The following ZNF570 variants were observed in gnomAD, a reference collection of about 807,000 sequenced individuals.
The protein encoded by ZNF570 is zinc finger protein 570.
A neutral mutation model predicts 14.2 loss-of-function variants in ZNF570; 8 were observed. That is an observed-to-expected ratio of 0.56 (90% CI 0.33 to 1.02). The LOEUF (loss-of-function observed/expected upper bound fraction) is 1.02. Among genes scored for constraint, ZNF570 ranks in the 50% least tolerant of loss-of-function variants. The pLI, the probability that ZNF570 is intolerant of heterozygous loss-of-function variation, is 0.03. For missense variants in ZNF570, 559 were observed against 624.9 expected (o/e 0.89, Z 1.12); for synonymous variants, 202 against 207.6 (o/e 0.97, Z 0.23).
chr19:37,484,691 C>T lies in ZNF570; in HGVS notation c.1069C>T (p.Pro357Ser), dbSNP rs1024174538. 10 of 1,613,918 alleles carry T rather than the reference C, an allele frequency of 6.2e-6. No individual in the cohort carries two copies. The highest frequency in any genetic ancestry group is 7.6e-6 in the Non-Finnish European group (9 of 1,180,020). Residue 357 changes from proline to serine, a missense_variant, in exon 5 of 5, where the codon CCC becomes TCC. Physicochemically the swap from Pro to Ser is moderately conservative, Grantham distance 74. Transcript: ENST00000330173. ...CCAGAGAGTTCATACAGGAGAGAAA[C>T]CCTATGAATGTAATGTCTGTGGGAA... ...QHQRVHTGEK[P>S]YECNVCGKAF...
Position 37,475,920 on chromosome 19 carries a change from C to G in ZNF570, c.73C>G (p.Gln25Glu). ...CAGAGATGTGGCTGTAGACTTCTCC[C>G]AAGAGGAATGGGATTGTCTGGATTC... ...TFRDVAVDFS[Q>E]EEWDCLDSSQ... The change falls in exon 3 of 5, where the codon CAA becomes GAA. Residue 25 changes from glutamine to glutamate, a missense_variant. Coordinates refer to ENST00000330173, the MANE Select transcript of ZNF570 (RefSeq NM_144694.5). 1 of 1,613,776 alleles carries G rather than the reference C, an allele frequency of 6.2e-7. No individual in the cohort carries two copies. The highest frequency in any genetic ancestry group is 1.1e-5 in the South Asian group (1 of 91,006).
upstream of ZNF570, chr19:37,469,049 C>G: frequency 1.0e-6 from 1 of 994,058 alleles, no homozygotes; most frequent in South Asian, 4.5e-5. Context: ...GCGCAGAGCG[C>G]TTGTGCCTGC....
rs1364128692 is a variant in ZNF570, at chr19:37,486,917, AC to A, written c.*1687del. The A allele has an allele frequency of 6.6e-6, 1 of 152,154 alleles. No individual in the cohort carries two copies. Among genetic ancestry groups the A allele is most frequent in the African/African-American group, 2.4e-5 (1 of 41,426 alleles). The allele number at this position is 152,154 out of a possible 1,614,324, so 9.4% of individuals were successfully genotyped here. Reference sequence around the variant, plus strand: ...TGTGATCCCCTTAAATAGGCACCACACCCTGGCCAGGTGCAGTAGCTCATTC... The same window carrying A: ...TGTGATCCCCTTAAATAGGCACCACACCTGGCCAGGTGCAGTAGCTCATTC... On this transcript the variant is annotated 3_prime_UTR_variant, in exon 5 of 5. Coordinates refer to ENST00000330173, the MANE Select transcript of ZNF570 (RefSeq NM_144694.5).
chr19:37,482,657 C>T (rs1171006226), intron 4 of ZNF570, among the ~76,000 whole-genome samples: 1 of 152,198 alleles, frequency 6.6e-6, no homozygotes, highest in Non-Finnish European at 1.5e-5. Context: ...TCTGGATCCC[C>T]ATCCAAATCT....
chr19:37,475,847 A>C (rs1159684124), intron 2 of ZNF570, 34 bp from the exon 3 acceptor site: 3 of 1,589,948 alleles, frequency 1.9e-6, no homozygotes, highest in Admixed American at 1.8e-5. Flanking sequence ...TGAATATGGT[A>C]AGAGATAAGG....
chr19:37,473,287 C>G (rs1342562193), intron 2 of ZNF570, among the ~76,000 whole-genome samples: 4 of 152,190 alleles, frequency 2.6e-5, no homozygotes, highest in Non-Finnish European at 1.5e-5. Flanking sequence ...TTTTCTCTAG[C>G]AGAGTTCAGC....
chr19:37,469,245 G>A, upstream of ZNF570: 1 of 1,381,672 alleles, frequency 7.2e-7, no homozygotes. Flanking sequence ...GCTGCTGCCA[G>A]ACACTGCGAC....
intron 4 of ZNF570, among the ~76,000 whole-genome samples, chr19:37,479,327 C>G (rs8104809): frequency 0.031 from 4,749 of 151,944 alleles, 221 homozygotes; most frequent in African/African-American, 0.1. Flanking sequence ...TTGTTTGGTA[C>G]TTGTTTAATT....
Position 37,484,403 on chromosome 19 carries a change from C to G in ZNF570, c.781C>G (p.Leu261Val), listed in dbSNP as rs2042124304. The change falls in exon 5 of 5, where the codon CTT becomes GTT. Residue 261 changes from leucine to valine, a missense_variant. Coordinates refer to ENST00000330173, the MANE Select transcript of ZNF570 (RefSeq NM_144694.5). ...CGKAFSQRSNLVQHQRIHTGE... is the reference protein window; with the variant it reads ...CGKAFSQRSNVVQHQRIHTGE... ...AAAAGCCTTCAGCCAGAGATCAAAT[C>G]TTGTTCAACATCAGAGGATTCATAC... 1 of 1,613,952 alleles carries G rather than the reference C, an allele frequency of 6.2e-7. No individual in the cohort carries two copies. The highest frequency in any genetic ancestry group is 8.5e-7 in the Non-Finnish European group (1 of 1,180,032).
Position 37,485,464 on chromosome 19 carries a change from G to A in ZNF570, c.*231G>A. ...GCTGTGTTGCCCAGGCTGGAGTACA[G>A]TGGGACGATCTCAGCTCACTGCAAC... is the stretch of plus-strand genomic sequence containing the variant. On this transcript the variant is annotated 3_prime_UTR_variant, in exon 5 of 5. Transcript: ENST00000330173. The A allele has an allele frequency of 2.4e-6, 1 of 415,662 alleles. No individual in the cohort carries two copies. The highest frequency in any genetic ancestry group is 5.3e-5 in the South Asian group (1 of 18,826). The allele number at this position is 415,662 out of a possible 1,614,324, so 25.7% of individuals were successfully genotyped here. A position where few individuals can be genotyped will look rare whatever the true frequency, so the allele number is the denominator to read the frequency against.
chr19:37,483,905 G>A lies in ZNF570; in HGVS notation c.283G>A (p.Glu95Lys), dbSNP rs756858149. 1.9e-6 allele frequency: 3 copies of A among 1,611,524 alleles called. No homozygotes were observed. Among genetic ancestry groups the A allele is most frequent in the Non-Finnish European group, 2.5e-6 (3 of 1,179,100 alleles). The change falls in exon 5 of 5, where the codon GAA (glutamate) becomes AAA (lysine). Residue 95 changes from glutamate (E) to lysine (K), a missense_variant. Glu to Lys is a moderately conservative substitution (Grantham distance 56, BLOSUM62 1). Transcript: ENST00000330173. The stretch of plus-strand genomic sequence containing the variant: ...CTGGGAGCCTATATGTGAGACTGAA[G>A]AATTAACCCCAAAGCAGGATTTTTA... ...SGWEPICETE[E>K]LTPKQDFYEE...
At position 37,483,904 on chromosome 19, in the gene ZNF570, A is replaced by G. The variant is rs751287902; in HGVS notation, c.282A>G (p.Glu94=). 1 of 1,611,194 alleles carries G rather than the reference A, an allele frequency of 6.2e-7. No homozygotes were observed. The highest frequency in any genetic ancestry group is 1.1e-5 in the South Asian group (1 of 90,722). Reference sequence around the variant, plus strand: ...GCTGGGAGCCTATATGTGAGACTGAAGAATTAACCCCAAAGCAGGATTTTT... The same window carrying G: ...GCTGGGAGCCTATATGTGAGACTGAGGAATTAACCCCAAAGCAGGATTTTT... The part of the protein sequence containing the change: ...CSGWEPICET[E]ELTPKQDFYE... Residue 94 remains glutamate (E), a synonymous_variant, in exon 5 of 5, where the codon GAA becomes GAG. Transcript: ENST00000330173.
chr19:37,476,803 G>A (rs186327889), intron 4 of ZNF570, among the ~76,000 whole-genome samples: 186 of 147,624 alleles, frequency 1.3e-3, no homozygotes, highest in Non-Finnish European at 1.9e-3. Flanking sequence ...TCCGCCTCCC[G>A]GGTTCAAGCA....
In ZNF570 at chr19:37,486,108, T is replaced by C. The variant is rs2042152742; in HGVS notation, c.*875T>C. On this transcript the variant is annotated 3_prime_UTR_variant, in exon 5 of 5. Coordinates refer to ENST00000330173, the MANE Select transcript of ZNF570 (RefSeq NM_144694.5). Reference sequence around the variant, plus strand: ...TATCTCCAGTTAAAACTTTTTTTTTTTTTTTGCTTGTTATTGTTCTTAGAC... The same window carrying C: ...TATCTCCAGTTAAAACTTTTTTTTTCTTTTTGCTTGTTATTGTTCTTAGAC... 1 of 152,004 alleles carries C rather than the reference T, an allele frequency of 6.6e-6. No individual in the cohort carries two copies. The highest frequency in any genetic ancestry group is 1.5e-5 in the Non-Finnish European group (1 of 67,996). The allele number at this position is 152,004 out of a possible 1,614,324, so 9.4% of individuals were successfully genotyped here.
intron 1 of ZNF570, chr19:37,470,102 C>T (rs1397836246): frequency 4.0e-6 from 2 of 505,224 alleles, no homozygotes; most frequent in Admixed American, 3.3e-5. Flanking sequence ...AAGCCTAGAA[C>T]ATCTGTTGTT....
At chr19:37,470,543 A>G (rs369161532) in intron 2 of ZNF570, among the ~76,000 whole-genome samples, 156 bp downstream of exon 2, 2 of 152,110 alleles carry the variant, frequency 1.3e-5, no homozygotes, top group East Asian at 3.8e-4. Context: ...TAAACGCGTA[A>G]GTCCTTGTCT....
In ZNF570 at chr19:37,469,377, G is replaced by T. The variant is rs115182255; in HGVS notation, c.-232G>T. 1,150 of 1,467,646 alleles carry T rather than the reference G, an allele frequency of 7.8e-4. 8 individuals carry two copies. The African/African-American group carries it at 0.014, about 18-fold the overall frequency. The allele number at this position is 1,467,646 out of a possible 1,614,324, so 90.9% of individuals were successfully genotyped here. ...AGGCGCTTCTTTCCGGGCCCGTAAG[G>T]GCTGGGTTCCATCCAACTAAGGGTA... is the stretch of plus-strand genomic sequence containing the variant. On this transcript the variant is annotated 5_prime_UTR_variant, in exon 1 of 5. Coordinates refer to ENST00000330173, the MANE Select transcript of ZNF570 (RefSeq NM_144694.5).
chr19:37,470,328 CAA>C lies in ZNF570; in HGVS notation c.-26_-25del, dbSNP rs765031386. ...GTCATCTGAGGCCACTGCTATTTCCCAAGAGAAGAGCCAGGAGGAAGAAAGAA... is the reference window on the plus strand; with the variant it reads ...GTCATCTGAGGCCACTGCTATTTCCCGAGAAGAGCCAGGAGGAAGAAAGAA... On this transcript the variant is annotated 5_prime_UTR_variant, in exon 2 of 5. Coordinates refer to ENST00000330173, the MANE Select transcript of ZNF570 (RefSeq NM_144694.5). The C allele has an allele frequency of 2.5e-6, 4 of 1,614,014 alleles. No homozygotes were observed. In the African/African-American group the frequency reaches 5.3e-5, roughly 22 times the overall value.
intron 4 of ZNF570, among the ~76,000 whole-genome samples, chr19:37,477,288 CGTGTGTG>C (rs1188416933): frequency 1.0e-4 from 12 of 115,466 alleles, no homozygotes; most frequent in African/African-American, 3.4e-4. Context: ...GGGAGGTTGT[CGTGTGTG>C]TGTGTGTGTG....
Sources: allele counts gnomAD v4.1 joint callset (sites outside exome capture counted in the v4.1 genomes callset), GRCh38; gene constraint gnomAD v4.1.1; transcripts MANE v1.5; gene names NCBI Gene and HGNC (gene_info 2026-07-23, HGNC 2026-07-21).